OR4E2: variants seen among roughly 807,000 people sequenced by gnomAD.
OR4E2 encodes olfactory receptor family 4 subfamily E member 2, also known as olfactory receptor 4E2.
In OR4E2, 9 loss-of-function variants were observed where a neutral mutation model predicts 11.0. That is an observed-to-expected ratio of 0.82 (90% CI 0.49 to 1.43). The LOEUF is 1.43. Ranked by LOEUF, OR4E2 falls within the 40% of genes most tolerant of loss-of-function variation. The probability of loss-of-function intolerance (pLI) is 0.00; values close to 1 mark genes in which losing one functional copy is unlikely to be tolerated. For missense variants in OR4E2, 441 were observed against 382.0 expected (o/e 1.15, Z -1.29); for synonymous variants, 159 against 147.3 (o/e 1.08, Z -0.57).
At chr14:21,661,535 G>A (rs1329350418) in intron 3 of OR4E2, among the ~76,000 whole-genome samples, 1 of 152,124 alleles carries the variant, frequency 6.6e-6, no homozygotes, top group Non-Finnish European at 1.5e-5. Context: ...GCTGCACACT[G>A]GACTCTCCAA....
At position 21,666,994 on chromosome 14, in the gene OR4E2, T is replaced by C. The variant is rs1880686730; in HGVS notation, c.*970T>C. On this transcript the variant is annotated 3_prime_UTR_variant, in exon 4 of 4. Coordinates refer to ENST00000641524, the MANE Select transcript of OR4E2 (RefSeq NM_001001912.3). ...CATTGGGCTGAAGTATATCAGTTTATTGTGGAATGGGCAAGTCCATATGAA... is the reference window on the plus strand; with the variant it reads ...CATTGGGCTGAAGTATATCAGTTTACTGTGGAATGGGCAAGTCCATATGAA... 1 of 152,156 alleles carries C rather than the reference T, an allele frequency of 6.6e-6. No individual in the cohort carries two copies. The allele number at this position is 152,156 out of a possible 1,614,324, so 9.4% of individuals were successfully genotyped here.
In OR4E2 at chr14:21,666,931, C is replaced by T. The variant is rs1345640734; in HGVS notation, c.*907C>T. The T allele has an allele frequency of 6.6e-6, 1 of 152,090 alleles. No homozygotes were observed. The highest frequency in any genetic ancestry group is 1.5e-5 in the Non-Finnish European group (1 of 68,022). 9.4% of individuals were successfully genotyped at this position (152,090 alleles called of 1,614,324 possible). On this transcript the variant is annotated 3_prime_UTR_variant, in exon 4 of 4. Coordinates refer to ENST00000641524, the MANE Select transcript of OR4E2 (RefSeq NM_001001912.3). ...GGTCTCAAAACTCCTGAGTTCAAGC[C>T]ACCTGCCCCTCTCAGCTAATCATTA...
In OR4E2 at chr14:21,661,741, A is replaced by G. The variant is rs372435970; in HGVS notation, c.-9+995A>G. On this transcript the variant is annotated intron_variant, in intron 3 of 3. Transcript: ENST00000641524. ...TATTCTTAATAGCTCATAATATTCC[A>G]TACTGTGGCTGTACTAAAATGTGTT... 9.8e-5 allele frequency among the ~76,000 whole-genome samples: 15 copies of G among 152,366 alleles called. No individual in the cohort carries two copies. The East Asian group carries it at 1.3e-3, about 14-fold the overall frequency.
chr14:21,664,251 C>T (rs1485728320), intron 3 of OR4E2, among the ~76,000 whole-genome samples: 3 of 152,186 alleles, frequency 2.0e-5, no homozygotes, highest in Non-Finnish European at 2.9e-5. Flanking sequence ...CCTCCACAAC[C>T]TCACCAACAT....
intron 2 of OR4E2, among the ~76,000 whole-genome samples, chr14:21,660,302 T>G (rs1880246917): frequency 6.6e-6 from 1 of 152,226 alleles, no homozygotes; most frequent in African/African-American, 2.4e-5. Flanking sequence ...GCTGAAGCAC[T>G]CACCTCCTGC....
rs2139796695 is a variant in OR4E2 at position 21,656,547 on chromosome 14, A to G, written c.-145A>G. On this transcript the variant is annotated 5_prime_UTR_variant, in exon 2 of 4. Coordinates refer to ENST00000641524, the MANE Select transcript of OR4E2 (RefSeq NM_001001912.3). ...AATGAAATAACATTATAGTAACTTT[A>G]TAACAATTAGCTAAAGCATCCCTGC... The G allele has an allele frequency of 6.6e-6, 1 of 152,370 alleles. No individual in the cohort carries two copies. Among genetic ancestry groups the G allele is most frequent in the South Asian group, 2.1e-4 (1 of 4,832 alleles). 9.4% of individuals were successfully genotyped at this position (152,370 alleles called of 1,614,324 possible). A position where few individuals can be genotyped will look rare whatever the true frequency, so the allele number is the denominator to read the frequency against.
chr14:21,655,685 T>C (rs140500170), intron 1 of OR4E2, among the ~76,000 whole-genome samples: 1 of 152,136 alleles, frequency 6.6e-6, no homozygotes, highest in Non-Finnish European at 1.5e-5. Flanking sequence ...AAAAAAGTTT[T>C]AAAAATTTTC....
In OR4E2 at chr14:21,665,025, T is replaced by C. The variant is rs1880549510; in HGVS notation, c.-8-50T>C. 2.1e-5 allele frequency: 20 copies of C among 937,862 alleles called. No homozygotes were observed. The South Asian group carries it at 3.0e-4, about 14-fold the overall frequency. The allele number at this position is 937,862 out of a possible 1,614,324, so 58.1% of individuals were successfully genotyped here. A position where few individuals can be genotyped will look rare whatever the true frequency, so the allele number is the denominator to read the frequency against. ...AATACAAAGTCATTTCAATTAGTTC[T>C]ATTCCTATAATAATAAAACTAAATT... is the stretch of plus-strand genomic sequence containing the variant. On this transcript the variant is annotated intron_variant, in intron 3 of 3. Coordinates refer to ENST00000641524, the MANE Select transcript of OR4E2 (RefSeq NM_001001912.3).
intron 1 of OR4E2, among the ~76,000 whole-genome samples, chr14:21,654,698 C>A (rs905047720): frequency 1.3e-5 from 2 of 151,354 alleles, no homozygotes; most frequent in East Asian, 3.9e-4. Context: ...CAGTTCAAAT[C>A]CGTGTTGTTC....
intron 2 of OR4E2, among the ~76,000 whole-genome samples, chr14:21,660,352 A>T (rs1460708732): frequency 6.6e-6 from 1 of 152,118 alleles, no homozygotes; most frequent in Non-Finnish European, 1.5e-5. Context: ...GGTGCTGGGG[A>T]CCCCAGAATT....
At chr14:21,662,373 T>G (rs950807227) in intron 3 of OR4E2, among the ~76,000 whole-genome samples, 2 of 152,204 alleles carry the variant, frequency 1.3e-5, no homozygotes, top group Non-Finnish European at 2.9e-5. Context: ...CTTGGCTCAC[T>G]GCAGCCTCTG....
rs1454556577 is a variant in OR4E2, at chr14:21,665,721, C to T, written c.639C>T (p.Ala213=). 5.0e-6 allele frequency: 8 copies of T among 1,614,140 alleles called. No individual in the cohort carries two copies. Among genetic ancestry groups the T allele is most frequent in the East Asian group, 2.2e-5 (1 of 44,886 alleles). The change falls in exon 4 of 4, where the codon GCC becomes GCT. Residue 213 remains alanine (A), a synonymous_variant. Coordinates refer to ENST00000641524, the MANE Select transcript of OR4E2 (RefSeq NM_001001912.3). ...SGTISLSCFL[A]VVTSYMVILV... is the part of the protein sequence containing the mutation. ...CCATCTCCCTCTCCTGTTTCTTGGC[C>T]GTGGTCACCTCCTATATGGTCATCC...
rs575077509 is a variant in OR4E2 at position 21,665,549 on chromosome 14, C to T, written c.467C>T (p.Ser156Leu). 40 of 1,614,116 alleles carry T rather than the reference C, an allele frequency of 2.5e-5. No homozygotes were observed. The Middle Eastern group carries it at 1.2e-3, about 47-fold the overall frequency. Reference protein sequence around the residue: ...FALWLGGTVHSLGQTFLTIRL... With the variant: ...FALWLGGTVHLLGQTFLTIRL... ...CTCTGGTTGGGGGGTACTGTTCACT[C>T]ACTAGGGCAGACCTTCTTGACTATT... The change falls in exon 4 of 4, where the codon TCA (serine) becomes TTA (leucine). Residue 156 changes from serine (S) to leucine (L), a missense_variant. By Grantham distance (145) the Ser-to-Leu change is moderately radical. Transcript: ENST00000641524.
At position 21,665,109 on chromosome 14, in the gene OR4E2, G is replaced by A; in HGVS notation, c.27G>A (p.Val9=). The A allele has an allele frequency of 6.2e-7, 1 of 1,611,724 alleles. No individual in the cohort carries two copies. Residue 9 remains valine (V), a synonymous_variant, in exon 4 of 4, where the codon GTG becomes GTA. Coordinates refer to ENST00000641524, the MANE Select transcript of OR4E2 (RefSeq NM_001001912.3). MDSLNQTR[V]TEFVFLGLTD... is the part of the protein sequence containing the mutation. ...TGGACAGTCTAAACCAAACAAGAGT[G>A]ACTGAATTTGTCTTCTTGGGACTCA...
At position 21,667,537 on chromosome 14, in the gene OR4E2, C is replaced by A. The variant is rs1176752175; in HGVS notation, c.*1513C>A. 6.6e-6 allele frequency: 1 copy of A among 152,092 alleles called. No homozygotes were observed. Among genetic ancestry groups the A allele is most frequent in the Non-Finnish European group, 1.5e-5 (1 of 68,020 alleles). The allele number at this position is 152,092 out of a possible 1,614,324, so 9.4% of individuals were successfully genotyped here. ...AGAAAATGGTCAGTCCCCTATAATT[C>A]TCATATAAAACTTGAGTCATAGTAA... On this transcript the variant is annotated 3_prime_UTR_variant, in exon 4 of 4. Transcript: ENST00000641524.
intron 2 of OR4E2, among the ~76,000 whole-genome samples, 160 bp downstream of exon 2, chr14:21,656,749 A>C (rs1018588805): frequency 3.3e-5 from 5 of 152,162 alleles, no homozygotes; most frequent in Non-Finnish European, 5.9e-5. Context: ...AATTTATGAG[A>C]GTTGTTTTAA....
intron 3 of OR4E2, among the ~76,000 whole-genome samples, chr14:21,662,215 T>G (rs8021892): frequency 0.11 from 17,327 of 152,122 alleles, 1,189 homozygotes; most frequent in African/African-American, 0.18. Flanking sequence ...AACAGGAGTA[T>G]TCTTTTTTGG....
chr14:21,659,924 A>G (rs1472742805), intron 2 of OR4E2, among the ~76,000 whole-genome samples: 2 of 152,114 alleles, frequency 1.3e-5, no homozygotes, highest in Non-Finnish European at 2.9e-5. Flanking sequence ...GTAGATCAGG[A>G]TAAAGGGGAT....
chr14:21,660,838 G>A (rs1158453178), intron 3 of OR4E2, 92 bp downstream of exon 3: 4 of 152,032 alleles, frequency 2.6e-5, no homozygotes, highest in Non-Finnish European at 4.4e-5. Context: ...TTAATAGTGA[G>A]AAATTAGAAA....
Sources: gnomAD v4.1 joint callset for allele counts (sites outside exome capture counted in the v4.1 genomes callset) on GRCh38, gnomAD v4.1.1 for gene constraint, MANE v1.5 for transcripts, NCBI Gene and HGNC (gene_info 2026-07-23, HGNC 2026-07-21) for gene names.